The following CEP95 variants were observed in gnomAD, a reference collection of about 807,000 sequenced individuals.
The protein encoded by CEP95 is centrosomal protein of 95 kDa.
A neutral mutation model predicts 111.2 loss-of-function variants in CEP95; 98 were observed. The ratio of observed to expected loss-of-function variants is 0.88; its 90% CI spans 0.75 to 1.04. The LOEUF (loss-of-function observed/expected upper bound fraction) is 1.04, where lower values mean the gene tolerates loss of function less well. Among genes scored for constraint, CEP95 ranks in the 50% least tolerant of loss-of-function variants. The pLI is 0.00. For synonymous variants in CEP95, 323 were observed against 327.1 expected (o/e 0.99, Z 0.14); for missense variants, 1,027 against 977.2 (o/e 1.05, Z -0.68).
chr17:64,523,901 AAAAAT>A (rs1166824706), intron 8 of CEP95, among the ~76,000 whole-genome samples: 6 of 152,244 alleles, frequency 3.9e-5, no homozygotes, highest in Non-Finnish European at 5.9e-5. Flanking sequence ...TCAAAAAGAA[AAAAAT>A]AAAATAAGAA....
chr17:64,537,220 G>A (rs550932215), intron 19 of CEP95, 108 bp downstream of exon 19: 3 of 1,507,374 alleles, frequency 2.0e-6, no homozygotes, highest in African/African-American at 2.8e-5. Context: ...ATATAGCCCC[G>A]GTGTGCAGTG....
chr17:64,537,146 G>A (rs1235689389), intron 19 of CEP95, 34 bp downstream of exon 19: 9 of 1,600,170 alleles, frequency 5.6e-6, no homozygotes, highest in African/African-American at 5.4e-5. Flanking sequence ...GTCATGCACT[G>A]CATGGCAATG....
At chr17:64,507,196 G>T in intron 1 of CEP95, 80 bp downstream of exon 1, 1 of 1,538,964 alleles carries the variant, frequency 6.5e-7, no homozygotes, top group South Asian at 1.2e-5. Context: ...GCCCGGACTG[G>T]GTCTGGGCTG....
chr17:64,530,479 C>T (rs958383532), intron 12 of CEP95, among the ~76,000 whole-genome samples: 13 of 150,256 alleles, frequency 8.7e-5, no homozygotes, highest in Admixed American at 2.0e-4. Context: ...TGGCAGGTAT[C>T]CTAGGTGAAT....
At chr17:64,511,362 C>T (rs1019562758) in intron 3 of CEP95, among the ~76,000 whole-genome samples, 8 of 152,212 alleles carry the variant, frequency 5.3e-5, no homozygotes, top group East Asian at 1.9e-4. Context: ...AAGATGGCCA[C>T]GCCCGGGGGA....
At chr17:64,513,025 G>A (rs1354029036) in intron 3 of CEP95, among the ~76,000 whole-genome samples, 1 of 152,136 alleles carries the variant, frequency 6.6e-6, no homozygotes, top group African/African-American at 2.4e-5. Flanking sequence ...AGTCTTAGTT[G>A]CTAGGTTGTC....
At chr17:64,507,142 A>G (rs1555673202) in intron 1 of CEP95, 26 bp downstream of exon 1, 1 of 1,551,440 alleles carries the variant, frequency 6.4e-7, no homozygotes. Flanking sequence ...GGGTCCCAGT[A>G]TGTGTGGACT....
At chr17:64,507,442 C>T (rs1474332657) in intron 1 of CEP95, 9 of 1,336,746 alleles carry the variant, frequency 6.7e-6, no homozygotes, top group Non-Finnish European at 7.7e-6. Flanking sequence ...TGTCCGTGTG[C>T]CCTCCGCCCT....
At chr17:64,510,574 T>A (rs190847216) in intron 3 of CEP95, among the ~76,000 whole-genome samples, 40 of 152,292 alleles carry the variant, frequency 2.6e-4, no homozygotes, top group African/African-American at 9.6e-4. Flanking sequence ...TATTTTTTGA[T>A]TCAGAGTCTC....
rs782236026 is a variant in CEP95, at chr17:64,531,949, G to A, written c.1599G>A (p.Trp533Ter). ...GAACTCCAGAATGTAGTCAGCCCTG[G>A]AAGATTTACTCTAGAAAAACCACAA... The part of the protein sequence containing the change: ...RKGTPECSQP[W>*]KIYSRKTTTQ... The change falls in exon 14 of 20, where the codon TGG becomes TGA. Residue 533 changes from tryptophan to a stop codon, truncating the protein, a stop_gained. Transcript: ENST00000556440. LOFTEE classifies it high-confidence loss of function. The A allele has an allele frequency of 1.6e-5, 25 of 1,610,864 alleles. No homozygotes were observed. Among genetic ancestry groups the A allele is most frequent in the Non-Finnish European group, 2.0e-5 (24 of 1,179,012 alleles).
chr17:64,532,820 ATC>A lies in CEP95; in HGVS notation c.1673-17_1673-16del, dbSNP rs1555680571. 1 of 1,601,942 alleles carries A rather than the reference ATC, an allele frequency of 6.2e-7. No homozygotes were observed. The highest frequency in any genetic ancestry group is 1.8e-5 in the Admixed American group (1 of 56,642). ...CTTGTCCACGTCTCAGATTAAGAAC[ATC>A]TTATTTTACCTTGCAGTGAAAGTAA... On this transcript the variant is annotated splice_polypyrimidine_tract_variant and intron_variant, in intron 14 of 19. Coordinates refer to ENST00000556440, the MANE Select transcript of CEP95 (RefSeq NM_138363.3).
At position 64,527,161 on chromosome 17, in the gene CEP95, A is replaced by T; in HGVS notation, c.1203A>T (p.Lys401Asn). 6.2e-7 allele frequency: 1 copy of T among 1,613,646 alleles called. No homozygotes were observed. The highest frequency in any genetic ancestry group is 8.5e-7 in the Non-Finnish European group (1 of 1,179,618). Residue 401 changes from lysine to asparagine, a missense_variant, in exon 11 of 20, where the codon AAA becomes AAT. Physicochemically the swap from Lys to Asn is moderately conservative, Grantham distance 94. Coordinates refer to ENST00000556440, the MANE Select transcript of CEP95 (RefSeq NM_138363.3). Reference protein sequence around the residue: ...GDRIKEKTDHKEENTGNEEVE... With the variant: ...GDRIKEKTDHNEENTGNEEVE... ...GGATTAAAGAAAAGACTGACCATAA[A>T]GAAGAAAATACTGGAAATGAGGAGG...
At chr17:64,507,550 G>A in intron 1 of CEP95, 3 of 1,060,874 alleles carry the variant, frequency 2.8e-6, no homozygotes, top group Non-Finnish European at 3.4e-6. Context: ...AGTAGAATAT[G>A]CCCCTGTAGA....
intron 6 of CEP95, 31 bp from the exon 7 acceptor site, chr17:64,521,371 A>G (rs1967324090): frequency 6.4e-7 from 1 of 1,561,386 alleles, no homozygotes; most frequent in African/African-American, 1.4e-5. Context: ...TTGATAGTTA[A>G]AAATTTTACC....
At chr17:64,534,526 C>T (rs1387450248) in intron 16 of CEP95, 59 bp from the exon 17 acceptor site, 4 of 1,482,784 alleles carry the variant, frequency 2.7e-6, no homozygotes, top group Non-Finnish European at 2.8e-6. Flanking sequence ...GATGAGAACG[C>T]TGGAATCTGC....
intron 1 of CEP95, 170 bp from the exon 2 acceptor site, chr17:64,508,422 A>C: frequency 1.0e-6 from 1 of 984,596 alleles, no homozygotes; most frequent in Non-Finnish European, 1.2e-6. Context: ...ACATCTTTTT[A>C]AAAACCATGC....
chr17:64,533,440 ATATG>A (rs1968430388), intron 16 of CEP95, among the ~76,000 whole-genome samples: 1 of 151,980 alleles, frequency 6.6e-6, no homozygotes, highest in African/African-American at 2.4e-5. Flanking sequence ...AAAAATATAT[ATATG>A]GGTGTGGAAA....
At position 64,530,950 on chromosome 17, in the gene CEP95, GAACT is replaced by G. The variant is rs1968235910; in HGVS notation, c.1474_1477del (p.Leu492GlufsTer12). On this transcript the variant is annotated frameshift_variant, in exon 13 of 20. Coordinates refer to ENST00000556440, the MANE Select transcript of CEP95 (RefSeq NM_138363.3). LOFTEE classifies it high-confidence loss of function. ...GGCGTTTACTGAAGCATTTGAAAGG[GAACT>G]AAGAAGACATAAAGTTCAAGAGAAT... is the stretch of plus-strand genomic sequence containing the variant. The G allele has an allele frequency of 1.3e-6, 2 of 1,557,806 alleles. No homozygotes were observed. Among genetic ancestry groups the G allele is most frequent in the Admixed American group, 3.9e-5 (2 of 51,842 alleles).
At chr17:64,531,454 A>G (rs1394483430) in intron 13 of CEP95, among the ~76,000 whole-genome samples, 3 of 152,228 alleles carry the variant, frequency 2.0e-5, no homozygotes, top group African/African-American at 7.2e-5. Flanking sequence ...TCATGGGGAA[A>G]ATGCTTATGC....
Sources: allele counts gnomAD v4.1 joint callset (sites outside exome capture counted in the v4.1 genomes callset), GRCh38; gene constraint gnomAD v4.1.1; transcripts MANE v1.5; gene names NCBI Gene and HGNC (gene_info 2026-07-23, HGNC 2026-07-21).